Variants in TTN observed in about 807,000 individuals in gnomAD.
TTN encodes titin, also known as connectin.
A neutral mutation model predicts 3,223.0 loss-of-function variants in TTN; 1,525 were observed. That is an observed-to-expected ratio of 0.47 (90% CI 0.45 to 0.49). The LOEUF (loss-of-function observed/expected upper bound fraction) is 0.49, where lower values mean the gene tolerates loss of function less well. TTN is among the 20% of genes least tolerant of loss of function. TTN has a pLI of 0.00. For missense variants in TTN, 40,786 were observed against 43,424.0 expected (o/e 0.94, Z 5.40); for synonymous variants, 14,094 against 15,161.0 (o/e 0.93, Z 5.17).
chr2:178,721,024 C>A lies in TTN; in HGVS notation c.22995G>T (p.Leu7665Phe). 6.2e-7 allele frequency: 1 copy of A among 1,613,332 alleles called. No homozygotes were observed. Among genetic ancestry groups the A allele is most frequent in the South Asian group, 1.1e-5 (1 of 91,046 alleles). Residue 7665 changes from leucine (L) to phenylalanine (F), a missense_variant, in exon 79 of 363, where the codon TTG (leucine) becomes TTT (phenylalanine). By Grantham distance (22) the Leu-to-Phe change is conservative (BLOSUM62 0). Coordinates refer to ENST00000589042, the MANE Select transcript of TTN (RefSeq NM_001267550.2). ...CAGCACTAGCTTCATTGATCGTAAG[C>A]AATGCCACAGAATTAATGAATGACA... is the stretch of plus-strand genomic sequence containing the variant. ...YNMSFINSVA[L>F]LTINEASAED...
Position 178,624,648 on chromosome 2 carries a change from T to C in TTN, c.44632A>G (p.Arg14878Gly), listed in dbSNP as rs1376059487. 1 of 1,612,590 alleles carries C rather than the reference T, an allele frequency of 6.2e-7. No homozygotes were observed. Among genetic ancestry groups the C allele is most frequent in the Admixed American group, 1.7e-5 (1 of 59,886 alleles). Residue 14878 changes from arginine (R) to glycine (G), a missense_variant, in exon 242 of 363, where the codon AGA becomes GGA. By Grantham distance (125) the Arg-to-Gly change is moderately radical (BLOSUM62 -2). Coordinates refer to ENST00000589042, the MANE Select transcript of TTN (RefSeq NM_001267550.2). ...AACCATTTCACCTTAGCATTTTCTCTGGAGACTTCACACTCCAGCACTGCA... is the reference window on the plus strand; with the variant it reads ...AACCATTTCACCTTAGCATTTTCTCCGGAGACTTCACACTCCAGCACTGCA... ...ATAVLECEVS[R>G]ENAKVKWFKN...
chr2:178,598,681 TTCTTGACTTTTCCAA>T, intron 291 of TTN, 27 bp from the exon 292 acceptor site: 1 of 1,601,974 alleles, frequency 6.2e-7, no homozygotes, highest in Non-Finnish European at 8.5e-7. Context: ...TACGTTAGTA[TTCTTGACTTTTCCAA>T]GGCACTTTTG....
rs1337614411 is a variant in TTN, at chr2:178,649,640, A to T, written c.39896-9T>A. On this transcript the variant is annotated splice_polypyrimidine_tract_variant and intron_variant, in intron 211 of 362. Coordinates refer to ENST00000589042, the MANE Select transcript of TTN (RefSeq NM_001267550.2). ...CTTTGGCATCTCAGGTTCTTTAAAG[A>T]TATCAGTAGCATTTAATAATACAAA... The T allele has an allele frequency of 6.4e-7, 1 of 1,550,834 alleles. No individual in the cohort carries two copies. The highest frequency in any genetic ancestry group is 8.7e-7 in the Non-Finnish European group (1 of 1,146,484).
chr2:178,768,673 C>A lies in TTN; in HGVS notation c.9163G>T (p.Ala3055Ser). 2 of 1,614,002 alleles carry A rather than the reference C, an allele frequency of 1.2e-6. No homozygotes were observed. The highest frequency in any genetic ancestry group is 1.7e-6 in the Non-Finnish European group (2 of 1,179,990). The change falls in exon 38 of 363, where the codon GCT (alanine) becomes TCT (serine). Residue 3055 changes from alanine (A) to serine (S), a missense_variant and splice_region_variant. By Grantham distance (99) the Ala-to-Ser change is moderately conservative (BLOSUM62 1). Transcript: ENST00000589042. ...GGATCTAATATGTATGAAACCATAC[C>A]TTCCACATAAAGTGTGGCTGTTGAT... ...ATSTATLYVE[A>S]RHIEFRKHIK...
chr2:178,644,125 TTAA>T (rs1323944021), intron 218 of TTN, among the ~76,000 whole-genome samples: 2 of 151,978 alleles, frequency 1.3e-5, no homozygotes, highest in South Asian at 2.1e-4. Context: ...ACAAATAACC[TTAA>T]TAATATAAAA....
chr2:178,802,774 T>C (rs2094131887), intron 2 of TTN, among the ~76,000 whole-genome samples: 1 of 152,224 alleles, frequency 6.6e-6, no homozygotes, highest in Non-Finnish European at 1.5e-5. Context: ...AGCAGCAAAC[T>C]GATCTCCAGT....
intron 47 of TTN, chr2:178,749,069 G>A (rs764334847): frequency 2.5e-6 from 4 of 1,612,754 alleles, no homozygotes; most frequent in Admixed American, 3.3e-5. Context: ...TTCACCAAGG[G>A]ATTCTTCATA....
Position 178,582,154 on chromosome 2 carries a change from A to C in TTN, c.66215T>G (p.Met22072Arg), listed in dbSNP as rs201420486. ...PVISNITKDH[M>R]TVSWKPPADD... ...TGCTGGTGGCTTCCAGCTGACTGTCATGTGATCTTTGGTTATGTTGCTAAT... is the reference window on the plus strand; with the variant it reads ...TGCTGGTGGCTTCCAGCTGACTGTCCTGTGATCTTTGGTTATGTTGCTAAT... Residue 22072 changes from methionine (M) to arginine (R), a missense_variant, in exon 315 of 363, where the codon ATG becomes AGG. By Grantham distance (91) the Met-to-Arg change is moderately conservative (BLOSUM62 -1). Coordinates refer to ENST00000589042, the MANE Select transcript of TTN (RefSeq NM_001267550.2). 11 of 1,612,796 alleles carry C rather than the reference A, an allele frequency of 6.8e-6. No homozygotes were observed. Among genetic ancestry groups the C allele is most frequent in the Non-Finnish European group, 9.3e-6 (11 of 1,179,500 alleles).
rs147597320 is a variant in TTN, at chr2:178,595,200, G to C, written c.57847+307C>G. Among the ~76,000 whole-genome samples the C allele has an allele frequency of 9.4e-3, 1,437 of 152,096 alleles. 21 individuals are homozygous for C. The highest frequency in any genetic ancestry group is 0.033 in the African/African-American group (1,368 of 41,488). ...ACACAAGAATCACTTGAACCTCAGA[G>C]GTGGAGGTTGCAGTGAGCCAAGATC... On this transcript the variant is annotated intron_variant, in intron 295 of 362. Coordinates refer to ENST00000589042, the MANE Select transcript of TTN (RefSeq NM_001267550.2).
In TTN at chr2:178,696,037, A is replaced by G. The variant is rs370198609; in HGVS notation, c.31035T>C (p.Tyr10345=). 6 of 1,550,588 alleles carry G rather than the reference A, an allele frequency of 3.9e-6. No homozygotes were observed. In the African/African-American group the frequency reaches 5.5e-5, roughly 14 times the overall value. ...QPYYEEPDED[Y]EEIKVEAKKE... Reference sequence around the variant, plus strand: ...TTTTAGCTTCTACCTTAATCTCTTCATAGTCTTCATCTGGTTCTTCATAAT... The same window carrying G: ...TTTTAGCTTCTACCTTAATCTCTTCGTAGTCTTCATCTGGTTCTTCATAAT... Residue 10345 remains tyrosine, a synonymous_variant, in exon 114 of 363, where the codon TAT becomes TAC. Transcript: ENST00000589042.
At chr2:178,773,007 C>T in intron 33 of TTN, 102 bp downstream of exon 33, 1 of 1,465,390 alleles carries the variant, frequency 6.8e-7, no homozygotes, top group Non-Finnish European at 9.4e-7. Context: ...TAAGCAGAGG[C>T]ATGGAAGTGG....
intron 37 of TTN, 36 bp downstream of exon 37, chr2:178,769,643 A>G: frequency 7.6e-7 from 1 of 1,310,028 alleles, no homozygotes; most frequent in Non-Finnish European, 9.9e-7. Flanking sequence ...TATTTTATAT[A>G]TATGTGTATA....
chr2:178,575,875 G>C lies in TTN; in HGVS notation c.70257C>G (p.Asn23419Lys). 1 of 1,613,518 alleles carries C rather than the reference G, an allele frequency of 6.2e-7. No individual in the cohort carries two copies. Among genetic ancestry groups the C allele is most frequent in the Non-Finnish European group, 8.5e-7 (1 of 1,179,596 alleles). Reference protein sequence around the residue: ...DTGKFVMTIENPAGKKSGFVN... With the variant: ...DTGKFVMTIEKPAGKKSGFVN... ...CAAAGCCACTTTTCTTCCCAGCCGG[G>C]TTTTCAATGGTCATGACAAATTTAC... Residue 23419 changes from asparagine (N) to lysine (K), a missense_variant, in exon 326 of 363, where the codon AAC becomes AAG. Physicochemically the swap from Asn to Lys is moderately conservative, Grantham distance 94. Transcript: ENST00000589042. The surrounding 1 kb of genome is among the most constrained non-coding windows in gnomAD (Gnocchi z 4.0).
At position 178,580,442 on chromosome 2, in the gene TTN, T is replaced by G. The variant is rs761874347; in HGVS notation, c.66937A>C (p.Thr22313Pro). Reference protein sequence around the residue: ...RDRIGLDIKSTDFDTFLRCEN... With the variant: ...RDRIGLDIKSPDFDTFLRCEN... ...CAGCGCAAGAAAGTGTCAAAGTCAG[T>G]TGACTTTATGTCCAGTCCAATCCTG... The change falls in exon 317 of 363, where the codon ACT becomes CCT. Residue 22313 changes from threonine to proline, a missense_variant. Coordinates refer to ENST00000589042, the MANE Select transcript of TTN (RefSeq NM_001267550.2). The G allele has an allele frequency of 6.2e-7, 1 of 1,613,156 alleles. No individual in the cohort carries two copies. Among genetic ancestry groups the G allele is most frequent in the African/African-American group, 1.3e-5 (1 of 74,896 alleles).
rs1265649343 is a variant in TTN, at chr2:178,576,339, G to A, written c.69793C>T (p.His23265Tyr). ...GTGATTTCAAGTCCACCATCATAAT[G>A]AGGCTTGCCCCATGCCAAAGAAGCA... is the stretch of plus-strand genomic sequence containing the variant. ...KSASLAWGKP[H>Y]YDGGLEITGY... Residue 23265 changes from histidine to tyrosine, a missense_variant, in exon 326 of 363, where the codon CAT (histidine) becomes TAT (tyrosine). Physicochemically the swap from His to Tyr is moderately conservative, Grantham distance 83 (BLOSUM62 2). Coordinates refer to ENST00000589042, the MANE Select transcript of TTN (RefSeq NM_001267550.2). The surrounding 1 kb of genome is among the most constrained non-coding windows in gnomAD (Gnocchi z 4.3). The A allele has an allele frequency of 6.4e-7, 1 of 1,568,916 alleles. No individual in the cohort carries two copies. The highest frequency in any genetic ancestry group is 8.6e-7 in the Non-Finnish European group (1 of 1,161,812).
intron 61 of TTN, 45 bp from the exon 62 acceptor site, chr2:178,730,416 TTTTATAAC>T (rs2080239223): frequency 1.9e-6 from 3 of 1,552,474 alleles, no homozygotes; most frequent in Middle Eastern, 1.7e-4. Context: ...GGAAGTTTTA[TTTTATAAC>T]TTAGCAATAA....
chr2:178,615,319 A>G lies in TTN; in HGVS notation c.48626T>C (p.Val16209Ala). Residue 16209 changes from valine (V) to alanine (A), a missense_variant, in exon 259 of 363, where the codon GTT becomes GCT. Physicochemically the swap from Val to Ala is moderately conservative, Grantham distance 64. Coordinates refer to ENST00000589042, the MANE Select transcript of TTN (RefSeq NM_001267550.2). ...SDKWVACGEPVAETKMEVTGL... is the reference protein window; with the variant it reads ...SDKWVACGEPAAETKMEVTGL... ...ATTAAAAACCTACTTTGTTTCTGCA[A>G]CAGGTTCTCCACAGGCAACCCATTT... 1 of 1,612,342 alleles carries G rather than the reference A, an allele frequency of 6.2e-7. No individual in the cohort carries two copies.
chr2:178,691,434 A>G (rs2072406205), intron 121 of TTN, among the ~76,000 whole-genome samples: 1 of 152,226 alleles, frequency 6.6e-6, no homozygotes. Context: ...TAGATAACGG[A>G]AACATTTATG....
chr2:178,706,389 T>C lies in TTN; in HGVS notation c.29420+65A>G, dbSNP rs187770760. 96 of 1,485,370 alleles carry C rather than the reference T, an allele frequency of 6.5e-5. No individual in the cohort carries two copies. In the African/African-American group the frequency reaches 1.2e-3, roughly 19 times the overall value. 92.0% of individuals were successfully genotyped at this position (1,485,370 alleles called of 1,614,324 possible). A position where few individuals can be genotyped will look rare whatever the true frequency, so the allele number is the denominator to read the frequency against. On this transcript the variant is annotated intron_variant, in intron 102 of 362. Transcript: ENST00000589042. ...ATACTTTCCACTGGGGCTGGTTGAC[T>C]GTGGATGCGGAACCCACTTATATGG...
Sources: allele counts gnomAD v4.1 joint callset (sites outside exome capture counted in the v4.1 genomes callset), GRCh38; gene constraint gnomAD v4.1.1; non-coding constraint Gnocchi (gnomAD v3.1); transcripts MANE v1.5; gene names NCBI Gene and HGNC (gene_info 2026-07-23, HGNC 2026-07-21).